The following PPP1R14C variants were observed in gnomAD, a reference collection of about 807,000 sequenced individuals.
PPP1R14C encodes protein phosphatase 1 regulatory subunit 14C.
PPP1R14C carries 16 observed loss-of-function variants against 20.4 expected under a neutral mutation model. The observed-to-expected ratio is 0.78, with a 90% confidence interval of 0.53 to 1.19. PPP1R14C has a LOEUF of 1.19. Ranked by LOEUF, PPP1R14C falls within the 50% of genes most tolerant of loss-of-function variation. The pLI is 0.00. For missense variants in PPP1R14C, 211 were observed against 220.1 expected (o/e 0.96, Z 0.26); for synonymous variants, 91 against 91.0 (o/e 1.00, Z 0.00).
intron 1 of PPP1R14C, among the ~76,000 whole-genome samples, chr6:150,149,299 A>ATGTGTGTGTGTGTGTGTGTG (rs141854673): frequency 6.8e-6 from 1 of 147,344 alleles, no homozygotes; most frequent in African/African-American, 2.5e-5. Context: ...CTCCATACAT[A>ATGTGTGTGTGTGTGTGTGTG]TGTGTGTGTG....
chr6:150,154,769 G>A (rs537101946), intron 1 of PPP1R14C, among the ~76,000 whole-genome samples: 14 of 152,236 alleles, frequency 9.2e-5, no homozygotes, highest in Admixed American at 2.0e-4. Flanking sequence ...GGACTAGAAC[G>A]TAAGGATTAG....
intron 1 of PPP1R14C, among the ~76,000 whole-genome samples, chr6:150,153,556 A>G (rs1387682203): frequency 6.6e-6 from 1 of 152,274 alleles, no homozygotes; most frequent in Non-Finnish European, 1.5e-5. Context: ...GTGCTTTTCC[A>G]TCTGTGGATA....
intron 3 of PPP1R14C, among the ~76,000 whole-genome samples, chr6:150,238,790 A>T (rs886424560): frequency 6.6e-6 from 1 of 152,258 alleles, no homozygotes; most frequent in Admixed American, 6.5e-5. Flanking sequence ...TGGCATCAAG[A>T]AGCCTGGATT....
chr6:150,158,476 T>C (rs968537189), intron 1 of PPP1R14C, among the ~76,000 whole-genome samples: 2 of 152,214 alleles, frequency 1.3e-5, no homozygotes, highest in African/African-American at 4.8e-5. Flanking sequence ...CTTTCTGCAA[T>C]GGGAGCTCTA....
intron 3 of PPP1R14C, among the ~76,000 whole-genome samples, chr6:150,225,194 C>T (rs1476188580): frequency 3.3e-5 from 5 of 152,024 alleles, no homozygotes; most frequent in African/African-American, 4.8e-5. Context: ...ACAGAATGCT[C>T]CGGTGTATTT....
intron 3 of PPP1R14C, among the ~76,000 whole-genome samples, chr6:150,241,990 T>A (rs1423591149): frequency 6.6e-6 from 1 of 152,256 alleles, no homozygotes; most frequent in Non-Finnish European, 1.5e-5. Context: ...ACCCACATTT[T>A]GGTGACATGA....
intron 3 of PPP1R14C, among the ~76,000 whole-genome samples, chr6:150,244,095 G>A (rs1445708261): frequency 1.3e-5 from 2 of 151,748 alleles, no homozygotes; most frequent in East Asian, 3.9e-4. Flanking sequence ...CATGCAGATA[G>A]TATGCTTGTG....
At chr6:150,206,269 T>A (rs1219826983) in intron 1 of PPP1R14C, among the ~76,000 whole-genome samples, 4 of 152,234 alleles carry the variant, frequency 2.6e-5, no homozygotes, top group African/African-American at 9.6e-5. Flanking sequence ...TTTATCAATC[T>A]TTGCCACTGT....
At chr6:150,204,460 G>A (rs1202413169) in intron 1 of PPP1R14C, among the ~76,000 whole-genome samples, 1 of 152,148 alleles carries the variant, frequency 6.6e-6, no homozygotes, top group Non-Finnish European at 1.5e-5. Context: ...CGATTTTCAG[G>A]CATCAGGAGT....
At position 150,197,159 on chromosome 6, in the gene PPP1R14C, C is replaced by A. The variant is rs1777814688; in HGVS notation, c.307-17585C>A. ...CTGGAGAAGGTTACAAGGATTGTCT[C>A]TGCCCCTGCCTACCTCAGGCCTCCC... is the stretch of plus-strand genomic sequence containing the variant. On this transcript the variant is annotated intron_variant, in intron 1 of 3. Transcript: ENST00000361131. 2.6e-5 allele frequency among the ~76,000 whole-genome samples: 4 copies of A among 152,214 alleles called. No individual in the cohort carries two copies. In the South Asian group the frequency reaches 8.3e-4, roughly 32 times the overall value.
At chr6:150,198,147 C>A (rs1777830325) in intron 1 of PPP1R14C, among the ~76,000 whole-genome samples, 1 of 145,104 alleles carries the variant, frequency 6.9e-6, no homozygotes, top group Non-Finnish European at 1.5e-5. Context: ...CTTTGTGTGC[C>A]CCTGCCCTTC....
intron 1 of PPP1R14C, among the ~76,000 whole-genome samples, chr6:150,206,276 CTG>C (rs1418280821): frequency 6.6e-6 from 1 of 152,230 alleles, no homozygotes; most frequent in Non-Finnish European, 1.5e-5. Flanking sequence ...ATCTTTGCCA[CTG>C]TACGTATTGT....
chr6:150,143,243 C>G lies in PPP1R14C; in HGVS notation c.51C>G (p.Gly17=), dbSNP rs1033275087. The change falls in exon 1 of 4, where the codon GGC becomes GGG. Residue 17 remains glycine (G), a synonymous_variant. Transcript: ENST00000361131. The surrounding 1 kb of genome is among the most constrained non-coding windows in gnomAD (Gnocchi z 5.6). ...SSETAGGASG[G]GARVFFQSPR... The stretch of plus-strand genomic sequence containing the variant: ...AGACGGCCGGCGGGGCCAGCGGCGG[C>G]GGCGCACGGGTTTTCTTCCAAAGCC... The G allele has an allele frequency of 3.6e-6, 5 of 1,392,152 alleles. No individual in the cohort carries two copies. Among genetic ancestry groups the G allele is most frequent in the Non-Finnish European group, 4.6e-6 (5 of 1,084,796 alleles). The allele number at this position is 1,392,152 out of a possible 1,614,324, so 86.2% of individuals were successfully genotyped here.
chr6:150,177,241 A>G (rs932215349), intron 1 of PPP1R14C, among the ~76,000 whole-genome samples: 1 of 152,228 alleles, frequency 6.6e-6, no homozygotes, highest in Non-Finnish European at 1.5e-5. Flanking sequence ...CTCCAAAAAA[A>G]CTAAGGTAGA....
chr6:150,236,613 CTG>C (rs142109127), intron 3 of PPP1R14C, among the ~76,000 whole-genome samples: 68 of 144,356 alleles, frequency 4.7e-4, no homozygotes, highest in East Asian at 1.5e-3. Flanking sequence ...GTTGGTGCCA[CTG>C]TGTGTGTGTG....
chr6:150,154,341 G>A (rs188002851), intron 1 of PPP1R14C, among the ~76,000 whole-genome samples: 53 of 152,286 alleles, frequency 3.5e-4, no homozygotes, highest in Non-Finnish European at 4.6e-4. Flanking sequence ...AATTCCTGTC[G>A]GCTGTTCCCA....
At chr6:150,195,220 A>G (rs1159420514) in intron 1 of PPP1R14C, 3 of 948,390 alleles carry the variant, frequency 3.2e-6, no homozygotes, top group African/African-American at 3.6e-5. Context: ...TTCACTCAAT[A>G]ACAAATTGCA....
intron 1 of PPP1R14C, among the ~76,000 whole-genome samples, chr6:150,153,001 C>T (rs747211719): frequency 1.3e-5 from 2 of 152,308 alleles, no homozygotes; most frequent in South Asian, 2.1e-4. Flanking sequence ...GGCCAGAGCT[C>T]GCTCTCACTG....
At chr6:150,206,106 G>C (rs1354401889) in intron 1 of PPP1R14C, among the ~76,000 whole-genome samples, 2 of 152,240 alleles carry the variant, frequency 1.3e-5, no homozygotes, top group South Asian at 2.1e-4. Context: ...GCTCCTGGCA[G>C]CTTCTTAGAC....
Sources: gnomAD v4.1 joint callset for allele counts (sites outside exome capture counted in the v4.1 genomes callset) on GRCh38, gnomAD v4.1.1 for gene constraint, Gnocchi (gnomAD v3.1) non-coding constraint, MANE v1.5 for transcripts, NCBI Gene and HGNC (gene_info 2026-07-23, HGNC 2026-07-21) for gene names.